The following HTR4 variants were observed in gnomAD, a reference collection of about 807,000 sequenced individuals.
HTR4 encodes 5-hydroxytryptamine (serotonin) receptor 4, G protein-coupled.
Under a neutral mutation model 36.8 loss-of-function variants are expected in HTR4, and 16 were observed. That is an observed-to-expected ratio of 0.43 (90% confidence interval 0.29 to 0.66). The LOEUF (loss-of-function observed/expected upper bound fraction) is 0.66, where lower values mean the gene tolerates loss of function less well. Ranked by LOEUF, HTR4 falls within the 30% of genes least tolerant of loss-of-function variation. HTR4 has a pLI of 0.13. For synonymous variants in HTR4, 189 were observed against 185.1 expected (o/e 1.02, Z -0.17); for missense variants, 438 against 490.9 (o/e 0.89, Z 1.02).
intron 4 of HTR4, among the ~76,000 whole-genome samples, chr5:148,526,369 C>A (rs1319240294): frequency 6.6e-6 from 1 of 152,096 alleles, no homozygotes; most frequent in Non-Finnish European, 1.5e-5. Context: ...CAAGTTTTGG[C>A]ATCCTTTCTT....
At chr5:148,499,439 A>C (rs1756836473) in intron 6 of HTR4, among the ~76,000 whole-genome samples, 2 of 151,984 alleles carry the variant, frequency 1.3e-5, no homozygotes, top group African/African-American at 2.4e-5. Context: ...TTTATCTTAC[A>C]TTTTTATGAT....
chr5:148,500,209 TG>T (rs1756876141), intron 6 of HTR4, among the ~76,000 whole-genome samples: 1 of 152,184 alleles, frequency 6.6e-6, no homozygotes, highest in Non-Finnish European at 1.5e-5. Flanking sequence ...ATCTTCTCTC[TG>T]GATCTCAGAG....
chr5:148,502,407 G>A (rs950471995), intron 6 of HTR4, among the ~76,000 whole-genome samples: 1 of 152,222 alleles, frequency 6.6e-6, no homozygotes, highest in Non-Finnish European at 1.5e-5. Context: ...GTTAACTCCA[G>A]CAAACTCCAA....
chr5:148,462,878 C>A (rs2113694961), intron 5 of HTR4, among the ~76,000 whole-genome samples: 2 of 152,008 alleles, frequency 1.3e-5, no homozygotes, highest in East Asian at 3.9e-4. Flanking sequence ...TTAAGTAATC[C>A]ATCATATCAA....
chr5:148,463,082 T>C (rs1755319944), intron 5 of HTR4, among the ~76,000 whole-genome samples: 2 of 151,898 alleles, frequency 1.3e-5, no homozygotes, highest in South Asian at 2.1e-4. Flanking sequence ...ACTCAATTAT[T>C]TCCCCTAAGA....
intron 4 of HTR4, among the ~76,000 whole-genome samples, chr5:148,539,082 G>C (rs1758977211): frequency 6.6e-6 from 1 of 152,038 alleles, no homozygotes; most frequent in Non-Finnish European, 1.5e-5. Flanking sequence ...CACACCTACA[G>C]CTATCTAATC....
chr5:148,456,411 C>T (rs1755102471), intron 5 of HTR4, among the ~76,000 whole-genome samples: 1 of 152,174 alleles, frequency 6.6e-6, no homozygotes, highest in African/African-American at 2.4e-5. Flanking sequence ...AAACCTCCAG[C>T]AGTCTGTAGG....
chr5:148,589,606 C>T (rs1373844571), intron 2 of HTR4, among the ~76,000 whole-genome samples: 1 of 152,046 alleles, frequency 6.6e-6, no homozygotes, highest in Non-Finnish European at 1.5e-5. Context: ...AATACTTTAT[C>T]TGTTACATGG....
downstream of HTR4, chr5:148,476,760 C>A (rs758732293): frequency 6.8e-6 from 11 of 1,612,724 alleles, no homozygotes; most frequent in South Asian, 7.7e-5. Context: ...TAGGAGAGAT[C>A]AAAAAGAACG....
Position 148,466,126 on chromosome 5 carries a change from G to A in HTR4, c.1077-14854C>T, listed in dbSNP as rs143128827. ...ACAACATGGTTATGCCACAGTGTACGTCTAAAAAGCACACTTAAGTTAGTG... is the reference window on the plus strand; with the variant it reads ...ACAACATGGTTATGCCACAGTGTACATCTAAAAAGCACACTTAAGTTAGTG... On this transcript the variant is annotated intron_variant, in intron 5 of 5. Coordinates refer to the HTR4 transcript ENST00000521530. Among the ~76,000 whole-genome samples, 638 of 152,246 alleles carry A rather than the reference G, an allele frequency of 4.2e-3. 6 individuals are homozygous for A. Among genetic ancestry groups the A allele is most frequent in the African/African-American group, 0.015 (605 of 41,542 alleles).
chr5:148,550,428 A>T (rs1454545541), intron 2 of HTR4, among the ~76,000 whole-genome samples, 166 bp from the exon 3 acceptor site: 1 of 152,116 alleles, frequency 6.6e-6, no homozygotes, highest in Admixed American at 6.5e-5. Context: ...CGGTCGCTTG[A>T]CATTTTATCC....
chr5:148,650,575 TA>T (rs1033688407), intron 1 of HTR4, among the ~76,000 whole-genome samples: 6 of 152,202 alleles, frequency 3.9e-5, no homozygotes, highest in South Asian at 2.1e-4. Context: ...GAGTTTTTTT[TA>T]AAAAAAATGG....
At chr5:148,452,059 T>G (rs944181428) in intron 5 of HTR4, among the ~76,000 whole-genome samples, 3 of 152,240 alleles carry the variant, frequency 2.0e-5, no homozygotes, top group Admixed American at 6.5e-5. Context: ...TTCAGCTATT[T>G]GGCATCATAT....
chr5:148,527,663 C>A (rs1465885154), intron 4 of HTR4, among the ~76,000 whole-genome samples: 2 of 147,966 alleles, frequency 1.4e-5, no homozygotes, highest in Admixed American at 1.4e-4. Flanking sequence ...GTTGCCCGGG[C>A]TGAGGTGCTT....
At chr5:148,455,940 A>AG in intron 5 of HTR4, among the ~76,000 whole-genome samples, 1 of 151,992 alleles carries the variant, frequency 6.6e-6, no homozygotes, top group Non-Finnish European at 1.5e-5. Context: ...GAGGATGAAG[A>AG]GGGGGGTTGG....
At chr5:148,531,986 G>C (rs1171766029) in intron 4 of HTR4, among the ~76,000 whole-genome samples, 1 of 152,122 alleles carries the variant, frequency 6.6e-6, no homozygotes, top group Non-Finnish European at 1.5e-5. Flanking sequence ...GCTGCTCAAC[G>C]TTCTACAGTG....
At chr5:148,624,409 G>A (rs879801734) in intron 2 of HTR4, among the ~76,000 whole-genome samples, 14 of 152,092 alleles carry the variant, frequency 9.2e-5, no homozygotes, top group African/African-American at 2.2e-4. Context: ...CATATGGAGC[G>A]CATGAGAAAA....
chr5:148,618,857 T>C (rs1752806906), intron 2 of HTR4, among the ~76,000 whole-genome samples: 2 of 152,232 alleles, frequency 1.3e-5, no homozygotes, highest in South Asian at 4.1e-4. Context: ...AAATTGCCTG[T>C]TATTATGACC....
chr5:148,542,998 T>A (rs1759197619), intron 4 of HTR4, among the ~76,000 whole-genome samples: 3 of 152,180 alleles, frequency 2.0e-5, no homozygotes. Context: ...CCAGGATGTG[T>A]CATCTCCACA....
Sources: allele counts gnomAD v4.1 joint callset (sites outside exome capture counted in the v4.1 genomes callset), GRCh38; gene constraint gnomAD v4.1.1; transcripts MANE v1.5; gene names NCBI Gene and HGNC (gene_info 2026-07-23, HGNC 2026-07-21).